TRPM3: variants seen among roughly 807,000 people sequenced by gnomAD.
TRPM3 encodes the protein long transient receptor potential channel 3.
Under a neutral mutation model 181.2 loss-of-function variants are expected in TRPM3, and 77 were observed. The observed-to-expected ratio is 0.42, with a 90% CI of 0.35 to 0.51. The LOEUF is 0.51. Among genes scored for constraint, TRPM3 ranks in the 20% least tolerant of loss-of-function variants. The pLI, the probability that TRPM3 is intolerant of heterozygous loss-of-function variation, is 0.01. For missense variants in TRPM3, 1,759 were observed against 2,196.7 expected, an observed-to-expected ratio of 0.80 and a Z score of 3.98; for synonymous variants, 745 against 796.4, an observed-to-expected ratio of 0.94 and a Z score of 1.09.
chr9:70,831,605 C>T (rs929410182), intron 5 of TRPM3, among the ~76,000 whole-genome samples: 4 of 151,652 alleles, frequency 2.6e-5, no homozygotes, highest in East Asian at 1.9e-4. Context: ...TTTGGAGAAT[C>T]GAGAAGACAG....
At chr9:70,765,557 A>C (rs1306647510) in intron 7 of TRPM3, among the ~76,000 whole-genome samples, 1 of 152,162 alleles carries the variant, frequency 6.6e-6, no homozygotes, top group African/African-American at 2.4e-5. Flanking sequence ...GCATCACTGC[A>C]CTCCAGCCTG....
At chr9:71,160,057 T>C (rs1221772271) in intron 1 of TRPM3, among the ~76,000 whole-genome samples, 1 of 152,142 alleles carries the variant, frequency 6.6e-6, no homozygotes, top group Non-Finnish European at 1.5e-5. Context: ...TCTCTGACTG[T>C]ATTTCTGACT....
intron 8 of TRPM3, among the ~76,000 whole-genome samples, chr9:70,755,420 G>T (rs1447901766): frequency 6.6e-6 from 1 of 151,744 alleles, no homozygotes; most frequent in African/African-American, 2.4e-5. Flanking sequence ...GCCCAGGCTG[G>T]AGTGCAATGG....
chr9:71,011,747 G>T (rs937594394), intron 1 of TRPM3, among the ~76,000 whole-genome samples: 2 of 149,540 alleles, frequency 1.3e-5, no homozygotes, highest in Non-Finnish European at 3.0e-5. Context: ...CCCATATAGG[G>T]GTCATACAGG....
At chr9:70,748,430 T>C (rs2075558218) in intron 8 of TRPM3, among the ~76,000 whole-genome samples, 1 of 152,212 alleles carries the variant, frequency 6.6e-6, no homozygotes, top group South Asian at 2.1e-4. Context: ...CTTCTAACTC[T>C]CCTCAAAGTA....
In TRPM3 at chr9:70,827,888, C is replaced by G; in HGVS notation, c.932G>C (p.Arg311Thr). 1 of 1,614,096 alleles carries G rather than the reference C, an allele frequency of 6.2e-7. No homozygotes were observed. ...GKYGAEVKLR[R>T]QLEKHISLQK... ...GAGTGAAATATGCTTTTCCAGTTGT[C>G]TTCGAAGTTTCACCTCTGCTCCATA... is the stretch of plus-strand genomic sequence containing the variant. The change falls in exon 6 of 26, where the codon AGA (arginine) becomes ACA (threonine). Residue 311 changes from arginine (R) to threonine (T), a missense_variant. Physicochemically the swap from Arg to Thr is moderately conservative, Grantham distance 71. Coordinates refer to ENST00000677713, the MANE Select transcript of TRPM3 (RefSeq NM_001366145.2).
At chr9:71,306,588 T>C (rs189545090) in intron 1 of TRPM3, among the ~76,000 whole-genome samples, 3 of 152,264 alleles carry the variant, frequency 2.0e-5, no homozygotes, top group Non-Finnish European at 4.4e-5. Flanking sequence ...AAATATGATT[T>C]TTAAAAACCA....
intron 1 of TRPM3, among the ~76,000 whole-genome samples, chr9:70,994,151 A>G (rs981289920): frequency 2.0e-5 from 3 of 152,196 alleles, no homozygotes; most frequent in African/African-American, 7.2e-5. Context: ...TCCTGATTCC[A>G]TTCTTTATTG....
intron 6 of TRPM3, among the ~76,000 whole-genome samples, chr9:70,809,399 T>C (rs900512705): frequency 3.3e-5 from 5 of 152,216 alleles, no homozygotes; most frequent in African/African-American, 1.2e-4. Context: ...CAACTTCCAG[T>C]CCTGCAAGCA....
chr9:70,767,297 A>C (rs2079331411), intron 7 of TRPM3, among the ~76,000 whole-genome samples: 1 of 152,210 alleles, frequency 6.6e-6, no homozygotes, highest in South Asian at 2.1e-4. Context: ...AGAGTCTTGC[A>C]AACACTCCAT....
At chr9:71,420,801 A>AG (rs1565557524) in intron 1 of TRPM3, among the ~76,000 whole-genome samples, 1 of 2,792 alleles carries the variant, frequency 3.6e-4, no homozygotes, top group Non-Finnish European at 7.7e-4. Context: ...GAGAGAAAGA[A>AG]AGAGAGAAAG....
chr9:71,197,483 A>G (rs996092402), intron 1 of TRPM3, among the ~76,000 whole-genome samples: 51 of 152,092 alleles, frequency 3.4e-4, no homozygotes, highest in African/African-American at 1.2e-3. Context: ...TTACAGTCCC[A>G]CCAACAGTGT....
At chr9:71,098,100 A>G (rs943322128) in intron 1 of TRPM3, among the ~76,000 whole-genome samples, 1 of 152,182 alleles carries the variant, frequency 6.6e-6, no homozygotes, top group African/African-American at 2.4e-5. Flanking sequence ...ATAGCTGTGC[A>G]GTCAACACTG....
chr9:70,776,031 G>C (rs2081287524), intron 7 of TRPM3: 2 of 161,914 alleles, frequency 1.2e-5, no homozygotes, highest in African/African-American at 4.8e-5. Flanking sequence ...TAGTCCCCAT[G>C]ATGTACGATA....
At chr9:70,900,269 AG>A in intron 1 of TRPM3, among the ~76,000 whole-genome samples, 1 of 152,274 alleles carries the variant, frequency 6.6e-6, no homozygotes, top group South Asian at 2.1e-4. Flanking sequence ...TGAACCCAGG[AG>A]GCGGAGGTTG....
intron 6 of TRPM3, among the ~76,000 whole-genome samples, chr9:70,816,958 T>C (rs1296696482): frequency 1.3e-5 from 2 of 152,212 alleles, no homozygotes; most frequent in Non-Finnish European, 2.9e-5. Flanking sequence ...GGGCAAGATA[T>C]GACTTGCAGC....
At chr9:71,137,441 C>T (rs1234607817) in intron 1 of TRPM3, among the ~76,000 whole-genome samples, 1 of 147,520 alleles carries the variant, frequency 6.8e-6, no homozygotes, top group African/African-American at 2.4e-5. Flanking sequence ...AAGCATAACA[C>T]AGTAACAAGA....
At chr9:71,130,769 C>A (rs910862112) in intron 1 of TRPM3, among the ~76,000 whole-genome samples, 1 of 152,038 alleles carries the variant, frequency 6.6e-6, no homozygotes, top group Non-Finnish European at 1.5e-5. Context: ...CTCTGGGAAG[C>A]CTTCCTCAAT....
chr9:71,133,679 T>C (rs939279359), intron 1 of TRPM3, among the ~76,000 whole-genome samples: 2 of 152,228 alleles, frequency 1.3e-5, no homozygotes, highest in Admixed American at 1.3e-4. Flanking sequence ...TCCATTGTCA[T>C]GTGAATTGCT....
Sources: allele counts gnomAD v4.1 joint callset (sites outside exome capture counted in the v4.1 genomes callset), GRCh38; gene constraint gnomAD v4.1.1; transcripts MANE v1.5; gene names NCBI Gene and HGNC (gene_info 2026-07-23, HGNC 2026-07-21).